SND1: variants seen among roughly 807,000 people sequenced by gnomAD.
SND1 encodes the protein staphylococcal nuclease domain-containing protein 1.
A neutral mutation model predicts 121.7 loss-of-function variants in SND1; 38 were observed. The ratio of observed to expected loss-of-function variants is 0.31; its 90% CI spans 0.24 to 0.41. The LOEUF (loss-of-function observed/expected upper bound fraction) is 0.41. Ranked by LOEUF, SND1 falls within the 10% of genes least tolerant of loss-of-function variation. SND1 has a pLI of 1.00. For synonymous variants in SND1, 401 were observed against 447.4 expected, an observed-to-expected ratio of 0.90 and a Z score of 1.31; for missense variants, 868 against 1,184.6, an observed-to-expected ratio of 0.73 and a Z score of 3.92.
intron 16 of SND1, among the ~76,000 whole-genome samples, chr7:128,062,403 G>A (rs1241836335): frequency 6.6e-6 from 1 of 152,182 alleles, no homozygotes; most frequent in African/African-American, 2.4e-5. Flanking sequence ...GAGGACAAAA[G>A]GAAAGAGAAG....
chr7:127,790,816 A>C (rs1318586851), intron 10 of SND1, among the ~76,000 whole-genome samples: 1 of 152,188 alleles, frequency 6.6e-6, no homozygotes, highest in Non-Finnish European at 1.5e-5. Flanking sequence ...GTCTTGAAGA[A>C]TATTTGGCAT....
intron 1 of SND1, among the ~76,000 whole-genome samples, chr7:127,659,567 G>A (rs984303829): frequency 6.6e-6 from 1 of 152,142 alleles, no homozygotes; most frequent in African/African-American, 2.4e-5. Flanking sequence ...TGGGTTCTTA[G>A]TTCTGTTTAT....
At chr7:128,006,979 A>T (rs1802995014) in intron 16 of SND1, among the ~76,000 whole-genome samples, 1 of 152,096 alleles carries the variant, frequency 6.6e-6, no homozygotes, top group South Asian at 2.1e-4. Flanking sequence ...CTGAGCGCCG[A>T]GTGGGTTGAG....
chr7:127,739,381 C>G (rs1433823027), intron 10 of SND1, among the ~76,000 whole-genome samples: 1 of 152,104 alleles, frequency 6.6e-6, no homozygotes, highest in Non-Finnish European at 1.5e-5. Flanking sequence ...ACCCAGAAGG[C>G]TGATTTATTT....
chr7:128,063,135 C>G (rs531939780), intron 16 of SND1, among the ~76,000 whole-genome samples: 3 of 152,222 alleles, frequency 2.0e-5, no homozygotes, highest in Non-Finnish European at 4.4e-5. Flanking sequence ...ATCCTCACAG[C>G]TCTTCCTAGG....
At chr7:127,950,509 G>A (rs1017817832) in intron 15 of SND1, among the ~76,000 whole-genome samples, 1 of 152,178 alleles carries the variant, frequency 6.6e-6, no homozygotes, top group Non-Finnish European at 1.5e-5. Context: ...TACATGAATT[G>A]AATCCTGTCC....
At chr7:127,970,359 T>C (rs1203173571) in intron 15 of SND1, among the ~76,000 whole-genome samples, 2 of 152,234 alleles carry the variant, frequency 1.3e-5, no homozygotes, top group African/African-American at 4.8e-5. Context: ...GTGTAAGTCA[T>C]TGAACTTCTC....
intron 1 of SND1, among the ~76,000 whole-genome samples, chr7:127,678,204 A>G (rs532010826): frequency 2.1e-4 from 32 of 152,164 alleles, no homozygotes; most frequent in Admixed American, 3.3e-4. Context: ...TTCAACCCCA[A>G]TCCTTGCTCT....
chr7:127,961,698 C>T lies in SND1; in HGVS notation c.1670-29249C>T, dbSNP rs556991548. Among the ~76,000 whole-genome samples the T allele has an allele frequency of 1.8e-4, 27 of 152,330 alleles. No individual in the cohort carries two copies. In the East Asian group the frequency reaches 4.8e-3, roughly 27 times the overall value. On this transcript the variant is annotated intron_variant, in intron 15 of 23. Coordinates refer to ENST00000354725, the MANE Select transcript of SND1 (RefSeq NM_014390.4). ...TAGTATCGTTGTGGGCTTATGAAAG[C>T]AGAAAGATTGCCTGAGTTGGAACAA...
chr7:127,721,060 A>T (rs1242913963), intron 9 of SND1, among the ~76,000 whole-genome samples: 1 of 152,256 alleles, frequency 6.6e-6, no homozygotes, highest in Non-Finnish European at 1.5e-5. Flanking sequence ...GACCATCTTT[A>T]TGAATGATAC....
chr7:127,836,731 A>T (rs1446161954), intron 11 of SND1, among the ~76,000 whole-genome samples: 2 of 152,178 alleles, frequency 1.3e-5, no homozygotes, highest in African/African-American at 2.4e-5. Flanking sequence ...TTATTTCTTA[A>T]CCTGAGTTTC....
chr7:128,013,476 T>C (rs1047550317), intron 16 of SND1, among the ~76,000 whole-genome samples: 4 of 152,246 alleles, frequency 2.6e-5, no homozygotes, highest in Non-Finnish European at 5.9e-5. Context: ...TCCTCAGATT[T>C]AAAAATTAGT....
Position 127,652,392 on chromosome 7 carries a change from A to G in SND1, c.19A>G (p.Ser7Gly), listed in dbSNP as rs764158716. 3.2e-5 allele frequency: 51 copies of G among 1,598,804 alleles called. No homozygotes were observed. Among genetic ancestry groups the G allele is most frequent in the Non-Finnish European group, 4.1e-5 (48 of 1,173,526 alleles). ...TCCACACATGGCGTCCTCCGCGCAGAGCGGCGGCTCCTCCGGGGGACCCGC... is the reference window on the plus strand; with the variant it reads ...TCCACACATGGCGTCCTCCGCGCAGGGCGGCGGCTCCTCCGGGGGACCCGC... Reference protein sequence around the residue: MASSAQSGGSSGGPAVP... With the variant: MASSAQGGGSSGGPAVP... The change falls in exon 1 of 24, where the codon AGC (serine) becomes GGC (glycine). Residue 7 changes from serine to glycine, a missense_variant. Physicochemically the swap from Ser to Gly is moderately conservative, Grantham distance 56. Transcript: ENST00000354725.
At chr7:128,017,533 C>A (rs1308354077) in intron 16 of SND1, among the ~76,000 whole-genome samples, 1 of 152,172 alleles carries the variant, frequency 6.6e-6, no homozygotes, top group Non-Finnish European at 1.5e-5. Context: ...GAAAAGATTG[C>A]CTAGCTGACT....
At chr7:127,995,096 CAG>C (rs1392463873) in intron 16 of SND1, among the ~76,000 whole-genome samples, 2 of 152,218 alleles carry the variant, frequency 1.3e-5, no homozygotes, top group African/African-American at 4.8e-5. Context: ...GTAGTTACGA[CAG>C]AGGCTATATG....
intron 12 of SND1, among the ~76,000 whole-genome samples, chr7:127,864,702 T>C (rs1799436396): frequency 6.6e-6 from 1 of 152,212 alleles, no homozygotes; most frequent in African/African-American, 2.4e-5. Context: ...TATGATCTAA[T>C]TGAAGGCACT....
Position 127,996,390 on chromosome 7 carries a change from A to C in SND1, c.1779+5334A>C, listed in dbSNP as rs149014888. Among the ~76,000 whole-genome samples the C allele has an allele frequency of 3.3e-4, 50 of 152,180 alleles. 1 individual carries two copies. Among genetic ancestry groups the C allele is most frequent in the African/African-American group, 1.2e-3 (48 of 41,514 alleles). On this transcript the variant is annotated intron_variant, in intron 16 of 23. Coordinates refer to ENST00000354725, the MANE Select transcript of SND1 (RefSeq NM_014390.4). ...CTCTAAGCAGTTTCAAGTTTATCTC[A>C]ATCTCTGTCCTTCTTGTGCCCTCGG...
intron 16 of SND1, chr7:128,028,615 G>C: frequency 6.8e-7 from 1 of 1,473,612 alleles, no homozygotes; most frequent in South Asian, 1.3e-5. Context: ...TCCCCACTCT[G>C]TACAAAAGTT....
chr7:127,981,305 C>G (rs1271294053), intron 15 of SND1, among the ~76,000 whole-genome samples: 1 of 152,208 alleles, frequency 6.6e-6, no homozygotes, highest in East Asian at 1.9e-4. Flanking sequence ...GCACAGGTCT[C>G]TCCCATGCCC....
Sources: allele counts gnomAD v4.1 joint callset (sites outside exome capture counted in the v4.1 genomes callset), GRCh38; gene constraint gnomAD v4.1.1; transcripts MANE v1.5; gene names NCBI Gene and HGNC (gene_info 2026-07-23, HGNC 2026-07-21).